MON2: variants seen among roughly 807,000 people sequenced by gnomAD.
MON2 encodes MON2 regulator of endosome-to-Golgi trafficking.
In MON2, 84 loss-of-function variants were observed where a neutral mutation model predicts 208.6. The ratio of observed to expected loss-of-function variants is 0.40; its 90% CI spans 0.34 to 0.48. The LOEUF (loss-of-function observed/expected upper bound fraction) is 0.48. MON2 is among the 20% of genes least tolerant of loss of function. The pLI, the probability that MON2 is intolerant of heterozygous loss-of-function variation, is 0.59. For synonymous variants in MON2, 660 were observed against 694.0 expected, an observed-to-expected ratio of 0.95 and a Z score of 0.77; for missense variants, 1,611 against 2,015.4, an observed-to-expected ratio of 0.80 and a Z score of 3.84.
chr12:62,535,590 G>A lies in MON2; in HGVS notation c.1781G>A (p.Arg594Lys). 1 of 1,613,798 alleles carries A rather than the reference G, an allele frequency of 6.2e-7. No individual in the cohort carries two copies. The highest frequency in any genetic ancestry group is 8.5e-7 in the Non-Finnish European group (1 of 1,179,870). Residue 594 changes from arginine (R) to lysine (K), a missense_variant, in exon 14 of 35, where the codon AGA becomes AAA. Arg to Lys is a conservative substitution (Grantham distance 26). Transcript: ENST00000393630. The part of the protein sequence containing the change: ...AELTMAALCG[R>K]LGLVTSRDAF... ...CTGACTATGGCTGCTCTTTGTGGAA[G>A]ACTGGGCCTTGTAACTTCAAGAGAT...
intron 19 of MON2, among the ~76,000 whole-genome samples, chr12:62,539,912 T>G (rs2073157464): frequency 6.6e-6 from 1 of 151,898 alleles, no homozygotes; most frequent in Admixed American, 6.6e-5. Context: ...GAGGTTGCTG[T>G]GAGTCGAGAT....
At chr12:62,571,370 A>G in intron 29 of MON2, 22 bp from the exon 30 acceptor site, 2 of 1,497,720 alleles carry the variant, frequency 1.3e-6, no homozygotes. Flanking sequence ...TAATGCTTAT[A>G]TTAAACTGTC....
At chr12:62,502,678 G>A (rs139748905) in intron 7 of MON2, among the ~76,000 whole-genome samples, 1 of 152,212 alleles carries the variant, frequency 6.6e-6, no homozygotes, top group African/African-American at 2.4e-5. Context: ...ATCTAGCTAT[G>A]TGTTTTCACA....
At chr12:62,519,458 C>G (rs1260116030) in intron 8 of MON2, among the ~76,000 whole-genome samples, 1 of 151,994 alleles carries the variant, frequency 6.6e-6, no homozygotes, top group Non-Finnish European at 1.5e-5. Context: ...TATTTAGGAG[C>G]TTTTGTGCAT....
chr12:62,589,235 T>C (rs557602819), intron 34 of MON2, among the ~76,000 whole-genome samples: 3 of 152,352 alleles, frequency 2.0e-5, no homozygotes, highest in African/African-American at 7.2e-5. Flanking sequence ...GACTTTTTTT[T>C]ATACAAGAAG....
At chr12:62,572,657 A>G (rs1464667188) in intron 30 of MON2, among the ~76,000 whole-genome samples, 3 of 152,138 alleles carry the variant, frequency 2.0e-5, no homozygotes, top group Non-Finnish European at 2.9e-5. Context: ...TGTGTTGCCT[A>G]GGTGTCTTGA....
chr12:62,560,234 T>C (rs774368098), intron 25 of MON2: 62 of 305,928 alleles, frequency 2.0e-4, no homozygotes, highest in East Asian at 1.1e-3. Flanking sequence ...GTTTTTAAGA[T>C]TGAAACATTA....
intron 30 of MON2, among the ~76,000 whole-genome samples, chr12:62,577,374 T>C (rs2074832656): frequency 6.6e-6 from 1 of 152,100 alleles, no homozygotes; most frequent in Non-Finnish European, 1.5e-5. Flanking sequence ...ATATAATACC[T>C]GATGCAAAGT....
At position 62,555,997 on chromosome 12, in the gene MON2, C is replaced by T; in HGVS notation, c.3214C>T (p.Leu1072Phe). The T allele has an allele frequency of 6.2e-7, 1 of 1,602,502 alleles. No individual in the cohort carries two copies. Residue 1072 changes from leucine (L) to phenylalanine (F), a missense_variant, in exon 25 of 35, where the codon CTC becomes TTC. Transcript: ENST00000393630. ...TGACATTTTAATAAATATTTAGGTA[C>T]TCTTTCATCTACTGGACAGAGTTCG... ...STWHTVIWKVLFHLLDRVRES... is the reference protein window; with the variant it reads ...STWHTVIWKVFFHLLDRVRES...
intron 26 of MON2, 23 bp downstream of exon 26, chr12:62,561,136 G>A (rs762139697): frequency 6.4e-7 from 1 of 1,555,824 alleles, no homozygotes; most frequent in Non-Finnish European, 8.7e-7. Flanking sequence ...TAGTGGCTAA[G>A]TAATACTGCA....
chr12:62,468,316 G>A (rs907223513), intron 1 of MON2, among the ~76,000 whole-genome samples: 1 of 152,134 alleles, frequency 6.6e-6, no homozygotes, highest in Admixed American at 6.5e-5. Context: ...GATTACAGGC[G>A]TGAGCCACAG....
intron 7 of MON2, among the ~76,000 whole-genome samples, chr12:62,507,315 C>CA (rs1555163577): frequency 3.8e-4 from 54 of 142,824 alleles, no homozygotes; most frequent in Non-Finnish European, 6.4e-4. Flanking sequence ...TTTTCTTTTT[C>CA]TTTTTTTTTT....
intron 1 of MON2, among the ~76,000 whole-genome samples, chr12:62,477,110 A>G (rs1042690758): frequency 6.6e-6 from 1 of 152,152 alleles, no homozygotes; most frequent in African/African-American, 2.4e-5. Flanking sequence ...TGAAGGCGTC[A>G]CTGTACTGGG....
At chr12:62,506,602 T>A (rs2071111090) in intron 7 of MON2, among the ~76,000 whole-genome samples, 1 of 152,030 alleles carries the variant, frequency 6.6e-6, no homozygotes, top group East Asian at 1.9e-4. Context: ...GGCAGATGTC[T>A]GTAATCTCAG....
chr12:62,494,621 C>T (rs2070367354), intron 3 of MON2, among the ~76,000 whole-genome samples: 1 of 152,070 alleles, frequency 6.6e-6, no homozygotes, highest in Non-Finnish European at 1.5e-5. Context: ...ATATGGGTTG[C>T]ATTTTTTTTC....
chr12:62,577,705 TG>T (rs1387017822), intron 30 of MON2, among the ~76,000 whole-genome samples: 2 of 152,104 alleles, frequency 1.3e-5, no homozygotes, highest in African/African-American at 4.8e-5. Context: ...GGAATTGCTA[TG>T]GGAGATTAAT....
At chr12:62,495,254 A>G (rs2070404999) in intron 4 of MON2, 107 bp downstream of exon 4, 2 of 928,582 alleles carry the variant, frequency 2.2e-6, no homozygotes, top group Admixed American at 2.6e-5. Flanking sequence ...CAACTTCCCT[A>G]CAGCTATGGT....
intron 8 of MON2, chr12:62,508,970 G>T (rs987582441): frequency 1.3e-5 from 2 of 152,642 alleles, no homozygotes; most frequent in African/African-American, 4.8e-5. Context: ...TGATATTCCG[G>T]ATGATAATTC....
chr12:62,549,633 A>T, intron 22 of MON2, 35 bp from the exon 23 acceptor site: 2 of 1,527,556 alleles, frequency 1.3e-6, no homozygotes, highest in Non-Finnish European at 1.8e-6. Flanking sequence ...AATAAATAAA[A>T]TAAGTGCATC....
Sources: gnomAD v4.1 joint callset for allele counts (sites outside exome capture counted in the v4.1 genomes callset) on GRCh38, gnomAD v4.1.1 for gene constraint, MANE v1.5 for transcripts, NCBI Gene and HGNC (gene_info 2026-07-23, HGNC 2026-07-21) for gene names.